L3MBTL2: variants seen among roughly 807,000 people sequenced by gnomAD.
L3MBTL2 encodes L3MBTL histone methyl-lysine binding protein 2, also known as lethal(3)malignant brain tumor-like protein 2.
A neutral mutation model predicts 86.4 loss-of-function variants in L3MBTL2; 49 were observed. The observed-to-expected ratio is 0.57, with a 90% CI of 0.45 to 0.72. The LOEUF (loss-of-function observed/expected upper bound fraction) is 0.72, where lower values mean the gene tolerates loss of function less well. Ranked by LOEUF, L3MBTL2 falls within the 30% of genes least tolerant of loss-of-function variation. L3MBTL2 has a pLI of 0.00. For missense variants in L3MBTL2, 755 were observed against 923.7 expected (o/e 0.82, Z 2.37); for synonymous variants, 336 against 350.6 (o/e 0.96, Z 0.47).
chr22:41,226,017 C>G, intron 12 of L3MBTL2, 76 bp downstream of exon 12: 1 of 1,523,618 alleles, frequency 6.6e-7, no homozygotes, highest in South Asian at 1.2e-5. Flanking sequence ...TGGCTCCCGC[C>G]TGTAATCCTA....
chr22:41,211,774 G>T (rs1173151959), intron 2 of L3MBTL2, among the ~76,000 whole-genome samples: 2 of 145,052 alleles, frequency 1.4e-5, no homozygotes, highest in Non-Finnish European at 3.0e-5. Context: ...AGCCAGGATG[G>T]TCTCGATCTC....
chr22:41,217,149 A>G lies in L3MBTL2; in HGVS notation c.547A>G (p.Lys183Glu), dbSNP rs1187327342. 1 of 1,613,810 alleles carries G rather than the reference A, an allele frequency of 6.2e-7. No homozygotes were observed. The highest frequency in any genetic ancestry group is 1.7e-5 in the Admixed American group (1 of 60,008). Residue 183 changes from lysine (K) to glutamate (E), a missense_variant, in exon 5 of 17, where the codon AAG becomes GAG. By Grantham distance (56) the Lys-to-Glu change is moderately conservative. This residue lies in a region of L3MBTL2 where 634 missense variants were observed against 748.9 expected (regional missense o/e 0.85). Coordinates refer to ENST00000216237, the MANE Select transcript of L3MBTL2 (RefSeq NM_031488.5). ...TCTGGTCTTGGGCTTCGACTGGGGG[A>G]AGTTCCTGAAGGATCACAGTTACAA... ...DALVLGFDWG[K>E]FLKDHSYKAA...
At position 41,219,269 on chromosome 22, in the gene L3MBTL2, T is replaced by C. The variant is rs572738325; in HGVS notation, c.601-150T>C. 6.2e-5 allele frequency: 39 copies of C among 628,266 alleles called. No individual in the cohort carries two copies. In the African/African-American group the frequency reaches 6.3e-4, roughly 10 times the overall value. The allele number at this position is 628,266 out of a possible 1,614,324, so 38.9% of individuals were successfully genotyped here. On this transcript the variant is annotated intron_variant, in intron 5 of 16. Transcript: ENST00000216237. The stretch of plus-strand genomic sequence containing the variant: ...AGCTCTTCAAGGACAGGAGACCTCA[T>C]CTCTTTATCTCTAGTAGCTGGTTCT...
chr22:41,206,219 G>A (rs2030198776), intron 1 of L3MBTL2: 1 of 152,138 alleles, frequency 6.6e-6, no homozygotes, highest in Non-Finnish European at 1.5e-5. Context: ...CTGACCTCAG[G>A]TGATCTGTCT....
chr22:41,224,185 A>C lies in L3MBTL2; in HGVS notation c.1108A>C (p.Met370Leu). 3 of 1,614,090 alleles carry C rather than the reference A, an allele frequency of 1.9e-6. No individual in the cohort carries two copies. Among genetic ancestry groups the C allele is most frequent in the Non-Finnish European group, 1.7e-6 (2 of 1,180,020 alleles). The change falls in exon 9 of 17, where the codon ATG becomes CTG. Residue 370 changes from methionine to leucine, a missense_variant. By Grantham distance (15) the Met-to-Leu change is conservative (BLOSUM62 2). Around this residue, in one of 3 missense-constraint regions of L3MBTL2, gnomAD observed 634 missense variants for 748.9 expected, o/e 0.85. Coordinates refer to ENST00000216237, the MANE Select transcript of L3MBTL2 (RefSeq NM_031488.5). The surrounding 1 kb of genome is among the most constrained non-coding windows in gnomAD (Gnocchi z 4.9). The part of the protein sequence containing the change: ...GDSDDDFWCH[M>L]WSPLIHPVGW... ...CAGTGACGACGACTTCTGGTGCCACATGTGGAGCCCCCTGATCCACCCAGT... is the reference window on the plus strand; with the variant it reads ...CAGTGACGACGACTTCTGGTGCCACCTGTGGAGCCCCCTGATCCACCCAGT...
chr22:41,221,155 GTT>G, intron 7 of L3MBTL2, 42 bp from the exon 8 acceptor site: 2 of 1,313,758 alleles, frequency 1.5e-6, no homozygotes, highest in Non-Finnish European at 2.0e-6. Flanking sequence ...GTCAGTGGAG[GTT>G]TGTCAGTCTG....
In L3MBTL2 at chr22:41,224,656, T is replaced by C. The variant is rs923936049; in HGVS notation, c.1175-69T>C. 2.3e-5 allele frequency: 26 copies of C among 1,145,202 alleles called. 3 individuals carry two copies. The South Asian group carries it at 3.2e-4, about 14-fold the overall frequency. The allele number at this position is 1,145,202 out of a possible 1,614,324, so 70.9% of individuals were successfully genotyped here. ...CAGCCCCACATTCCCAGGGGAGGCG[T>C]GTGGAGATGGCCCAGGAGCCGCCTC... On this transcript the variant is annotated intron_variant, in intron 9 of 16. Transcript: ENST00000216237. The surrounding 1 kb of genome is among the most constrained non-coding windows in gnomAD (Gnocchi z 4.9).
At chr22:41,216,050 C>G in intron 3 of L3MBTL2, 89 bp from the exon 4 acceptor site, 1 of 1,435,038 alleles carries the variant, frequency 7.0e-7, no homozygotes, top group South Asian at 1.3e-5. Context: ...AAGTCACTGG[C>G]CCAAGCCCAG....
chr22:41,226,537 C>A, intron 12 of L3MBTL2, 125 bp from the exon 13 acceptor site: 1 of 729,898 alleles, frequency 1.4e-6, no homozygotes, highest in African/African-American at 1.7e-5. Flanking sequence ...GAGAAGAAGG[C>A]TGCTGGGGAG....
chr22:41,206,756 G>GCCACTGCA (rs948086914), intron 1 of L3MBTL2, among the ~76,000 whole-genome samples: 20 of 151,510 alleles, frequency 1.3e-4, no homozygotes, highest in Non-Finnish European at 1.5e-5. Context: ...CCGAGATCGG[G>GCCACTGCA]CCACTGCACC....
rs1291034326 is a variant in L3MBTL2, at chr22:41,217,181, TC to T, written c.582del (p.Val195SerfsTer16). ...TGAAGGATCACAGTTACAAGGCTGC[TC>T]CCGTCAGCTGTTTCAAGCACGTGAG... The part of the protein sequence containing the change: ...FLKDHSYKAA[P>X]VSCFKHVPLY... On this transcript the variant is annotated frameshift_variant, in exon 5 of 17. Coordinates refer to ENST00000216237, the MANE Select transcript of L3MBTL2 (RefSeq NM_031488.5). LOFTEE classifies it high-confidence loss of function. The T allele has an allele frequency of 6.2e-7, 1 of 1,613,718 alleles. No individual in the cohort carries two copies. The highest frequency in any genetic ancestry group is 1.1e-5 in the South Asian group (1 of 91,078).
intron 15 of L3MBTL2, among the ~76,000 whole-genome samples, chr22:41,228,850 A>G (rs1405990145): frequency 6.9e-6 from 1 of 144,498 alleles, no homozygotes; most frequent in Admixed American, 6.8e-5. Context: ...ACTCCATCGC[A>G]CAAAAAAAAA....
At chr22:41,209,980 T>C in intron 2 of L3MBTL2, 47 bp downstream of exon 2, 2 of 1,597,688 alleles carry the variant, frequency 1.3e-6, no homozygotes, top group Non-Finnish European at 1.7e-6. Flanking sequence ...TAGAAGATTA[T>C]AGAGGAAGAG....
intron 16 of L3MBTL2, 185 bp downstream of exon 16, chr22:41,229,841 G>T: frequency 9.9e-7 from 1 of 1,009,940 alleles, no homozygotes; most frequent in Non-Finnish European, 1.5e-6. Flanking sequence ...TGTGAATGGA[G>T]CTGAGTCCCC....
chr22:41,226,022 A>C, intron 12 of L3MBTL2, 81 bp downstream of exon 12: 1 of 1,498,472 alleles, frequency 6.7e-7, no homozygotes, highest in Non-Finnish European at 9.1e-7. Context: ...CCCGCCTGTA[A>C]TCCTAGCACT....
In L3MBTL2 at chr22:41,224,714, C is replaced by T; in HGVS notation, c.1175-11C>T. ...CTTCTCTCCCTCATTCCCTATCCAT[C>T]TCCTCCAAAGAGAGGCGAAGTGACA... On this transcript the variant is annotated splice_polypyrimidine_tract_variant and intron_variant, in intron 9 of 16. Transcript: ENST00000216237. This position sits in a 1 kb window ranked among gnomAD's most constrained non-coding sequence, Gnocchi z 4.9. 1 of 1,608,744 alleles carries T rather than the reference C, an allele frequency of 6.2e-7. No individual in the cohort carries two copies. The highest frequency in any genetic ancestry group is 1.7e-5 in the Admixed American group (1 of 60,012).
intron 1 of L3MBTL2, among the ~76,000 whole-genome samples, chr22:41,207,240 T>C (rs889245644): frequency 2.2e-5 from 3 of 136,148 alleles, no homozygotes; most frequent in South Asian, 2.2e-4. Context: ...CAAATCCTTT[T>C]TTTTTTTTTT....
intron 6 of L3MBTL2, among the ~76,000 whole-genome samples, chr22:41,220,002 G>A (rs1209297492): frequency 6.6e-6 from 1 of 152,098 alleles, no homozygotes; most frequent in Non-Finnish European, 1.5e-5. Context: ...ATCCCAAAGT[G>A]CTGGGATTAT....
chr22:41,225,933 C>T lies in L3MBTL2; in HGVS notation c.1496C>T (p.Pro499Leu), dbSNP rs765878433. 35 of 1,613,818 alleles carry T rather than the reference C, an allele frequency of 2.2e-5. No individual in the cohort carries two copies. Among genetic ancestry groups the T allele is most frequent in the Middle Eastern group, 1.6e-4 (1 of 6,084 alleles). Residue 499 changes from proline (P) to leucine (L), a missense_variant, in exon 12 of 17, where the codon CCG (proline) becomes CTG (leucine). By Grantham distance (98) the Pro-to-Leu change is moderately conservative. Transcript: ENST00000216237. This position sits in a 1 kb window ranked among gnomAD's most constrained non-coding sequence, Gnocchi z 4.1. ...FCQKNDIELT[P>L]PKGYEAQTFN... Reference sequence around the variant, plus strand: ...CAGAAGAATGACATTGAGCTCACACCGCCAAAAGGTAAGACTAGAGAGGCC... The same window carrying T: ...CAGAAGAATGACATTGAGCTCACACTGCCAAAAGGTAAGACTAGAGAGGCC...
Sources: allele counts gnomAD v4.1 joint callset (sites outside exome capture counted in the v4.1 genomes callset), GRCh38; gene constraint gnomAD v4.1.1; regional missense constraint gnomAD v4.1.1; non-coding constraint Gnocchi (gnomAD v3.1); transcripts MANE v1.5; gene names NCBI Gene and HGNC (gene_info 2026-07-23, HGNC 2026-07-21).